The following TNC variants were observed in gnomAD, a reference collection of about 807,000 sequenced individuals.
The protein encoded by TNC is tenascin.
A neutral mutation model predicts 202.4 loss-of-function variants in TNC; 109 were observed. That is an observed-to-expected ratio of 0.54 (90% CI 0.46 to 0.63). The LOEUF is 0.63. Among genes scored for constraint, TNC ranks in the 30% least tolerant of loss-of-function variants. The probability of loss-of-function intolerance (pLI) is 0.00; values close to 1 mark genes in which losing one functional copy is unlikely to be tolerated. For missense variants in TNC, 2,756 were observed against 2,833.3 expected (o/e 0.97, Z 0.62); for synonymous variants, 1,007 against 1,089.7 (o/e 0.92, Z 1.50).
At position 115,026,518 on chromosome 9, in the gene TNC, G is replaced by A; in HGVS notation, c.6331+16C>T. On this transcript the variant is annotated intron_variant, in intron 26 of 27. Coordinates refer to ENST00000350763, the MANE Select transcript of TNC (RefSeq NM_002160.4). ...CTCCATGGCTTTGTAGGCTCTACGT[G>A]CAGCCACTACTGTACCTGCTGTCCC... The A allele has an allele frequency of 6.2e-7, 1 of 1,612,922 alleles. No individual in the cohort carries two copies. The highest frequency in any genetic ancestry group is 8.5e-7 in the Non-Finnish European group (1 of 1,179,108).
In TNC at chr9:115,076,233, G is replaced by A; in HGVS notation, c.2861-112C>T. ...GGAGGCTACAACAAATTTTCGGAAT[G>A]TTTTACAAAAGAACTCACTGCAATC... is the stretch of plus-strand genomic sequence containing the variant. On this transcript the variant is annotated intron_variant, in intron 8 of 27. Transcript: ENST00000350763. 2.8e-6 allele frequency: 4 copies of A among 1,427,822 alleles called. No individual in the cohort carries two copies. The South Asian group carries it at 3.5e-5, about 13-fold the overall frequency. 88.4% of individuals were successfully genotyped at this position (1,427,822 alleles called of 1,614,324 possible).
At chr9:115,091,260 C>A (rs1383551248) in intron 1 of TNC, 106 bp from the exon 2 acceptor site, 1 of 505,816 alleles carries the variant, frequency 2.0e-6, no homozygotes, top group African/African-American at 1.9e-5. Context: ...ATTTGAAGCT[C>A]TCCTGATAAT....
intron 9 of TNC, 139 bp downstream of exon 9, chr9:115,075,893 A>G: frequency 2.9e-6 from 2 of 693,346 alleles, no homozygotes; most frequent in South Asian, 1.7e-5. Context: ...GAATTTCAAC[A>G]TTGGGGCTAG....
At chr9:115,117,805 A>G (rs902199575) in intron 1 of TNC, among the ~76,000 whole-genome samples, 177 bp downstream of exon 1, 1 of 152,100 alleles carries the variant, frequency 6.6e-6, no homozygotes, top group Non-Finnish European at 1.5e-5. Flanking sequence ...AAATTACAAG[A>G]CCAGAAAAGT....
chr9:115,106,639 A>G (rs1272618563), intron 1 of TNC, among the ~76,000 whole-genome samples: 2 of 152,178 alleles, frequency 1.3e-5, no homozygotes, highest in Non-Finnish European at 2.9e-5. Flanking sequence ...TCTGACCTGA[A>G]GAGAAGGTTA....
intron 23 of TNC, 114 bp downstream of exon 23, chr9:115,031,439 G>A (rs1261710545): frequency 2.3e-5 from 28 of 1,209,054 alleles, no homozygotes; most frequent in Non-Finnish European, 3.0e-5. Flanking sequence ...GCAGTGAATC[G>A]ATTCTTTTCA....
chr9:115,068,220 T>C (rs1366002688), intron 10 of TNC, among the ~76,000 whole-genome samples: 1 of 152,190 alleles, frequency 6.6e-6, no homozygotes, highest in Non-Finnish European at 1.5e-5. Context: ...CATTTCTTTA[T>C]CAAAAGGCTG....
At chr9:115,102,301 T>A (rs546477004) in intron 1 of TNC, among the ~76,000 whole-genome samples, 1 of 152,308 alleles carries the variant, frequency 6.6e-6, no homozygotes, top group Admixed American at 6.5e-5. Flanking sequence ...TCCCAACACC[T>A]GGCTCAAAGC....
At chr9:115,048,141 A>C (rs750644918) in intron 16 of TNC, 119 bp downstream of exon 16, 3 of 1,270,834 alleles carry the variant, frequency 2.4e-6, no homozygotes, top group Admixed American at 2.2e-5. Flanking sequence ...ACAGTAGACT[A>C]CATTTATGGA....
At chr9:115,054,804 A>G (rs970235753) in intron 15 of TNC, among the ~76,000 whole-genome samples, 1 of 152,222 alleles carries the variant, frequency 6.6e-6, no homozygotes, top group Non-Finnish European at 1.5e-5. Context: ...TATTCACCAC[A>G]TGCACCAAGA....
In TNC at chr9:115,063,124, A is replaced by G; in HGVS notation, c.3826T>C (p.Trp1276Arg). Residue 1276 changes from tryptophan to arginine, a missense_variant, in exon 13 of 28, where the codon TGG becomes CGG. Trp to Arg is a moderately radical substitution (Grantham distance 101, BLOSUM62 -3). Transcript: ENST00000350763. ...TCATAGGTTCCATCTGGCGTGGTCC[A>G]GTTCAGTCTGAGAGCATCCCAGCTA... is the stretch of plus-strand genomic sequence containing the variant. ...EVSWDALRLNWTTPDGTYDQF... is the reference protein window; with the variant it reads ...EVSWDALRLNRTTPDGTYDQF... The G allele has an allele frequency of 6.2e-7, 1 of 1,614,204 alleles. No individual in the cohort carries two copies. Among genetic ancestry groups the G allele is most frequent in the African/African-American group, 1.3e-5 (1 of 75,042 alleles).
In TNC at chr9:115,079,210, T is replaced by A. The variant is rs534603658; in HGVS notation, c.2405-998A>T. Among the ~76,000 whole-genome samples the A allele has an allele frequency of 2.6e-5, 4 of 152,228 alleles. No homozygotes were observed. In the East Asian group the frequency reaches 7.7e-4, roughly 29 times the overall value. ...GGTATTCAGTGAATCTTTGAATCTT[T>A]CTTTCTTCTTCTTCTCCTTTTTTTT... On this transcript the variant is annotated intron_variant, in intron 6 of 27. Coordinates refer to ENST00000350763, the MANE Select transcript of TNC (RefSeq NM_002160.4).
At chr9:115,082,881 T>A in intron 4 of TNC, 74 bp from the exon 5 acceptor site, 1 of 985,138 alleles carries the variant, frequency 1.0e-6, no homozygotes, top group Non-Finnish European at 1.6e-6. Context: ...ACGATTCCAC[T>A]AAACCAGACT....
At chr9:115,031,139 T>C (rs1018598252) in intron 23 of TNC, among the ~76,000 whole-genome samples, 2 of 152,208 alleles carry the variant, frequency 1.3e-5, no homozygotes, top group Non-Finnish European at 2.9e-5. Context: ...TTTCAGCTCA[T>C]GTTGAACTCT....
chr9:115,047,540 G>A (rs1831299501), intron 16 of TNC, among the ~76,000 whole-genome samples: 1 of 152,146 alleles, frequency 6.6e-6, no homozygotes, highest in African/African-American at 2.4e-5. Flanking sequence ...ACGTTAGGGT[G>A]TTCTGAAAAG....
At chr9:115,058,947 T>A (rs1832336724) in intron 14 of TNC, among the ~76,000 whole-genome samples, 2 of 152,108 alleles carry the variant, frequency 1.3e-5, no homozygotes, top group South Asian at 4.1e-4. Flanking sequence ...GGCTGGGAGT[T>A]TGCCATCCAA....
intron 27 of TNC, among the ~76,000 whole-genome samples, chr9:115,021,692 T>G (rs1032233380): frequency 1.3e-5 from 2 of 152,178 alleles, no homozygotes; most frequent in Non-Finnish European, 2.9e-5. Flanking sequence ...TGGAGTATTT[T>G]GATAGGGGTT....
In TNC at chr9:115,063,964, G is replaced by T; in HGVS notation, c.3592C>A (p.Gln1198Lys). The T allele has an allele frequency of 6.2e-7, 1 of 1,614,134 alleles. No individual in the cohort carries two copies. Among genetic ancestry groups the T allele is most frequent in the South Asian group, 1.1e-5 (1 of 91,074 alleles). Reference sequence around the variant, plus strand: ...TCTACTGTGTCAGCCTCCTGCACCTGAATGAAAAAGTACTCATAGGCCCCT... The same window carrying T: ...TCTACTGTGTCAGCCTCCTGCACCTTAATGAAAAAGTACTCATAGGCCCCT... The part of the protein sequence containing the change: ...PEGAYEYFFI[Q>K]VQEADTVEAA... The change falls in exon 12 of 28, where the codon CAG becomes AAG. Residue 1198 changes from glutamine to lysine, a missense_variant. Coordinates refer to ENST00000350763, the MANE Select transcript of TNC (RefSeq NM_002160.4).
Position 115,020,713 on chromosome 9 carries a change from T to C in TNC, c.*444A>G. 3.2e-6 allele frequency: 1 copy of C among 314,416 alleles called. No homozygotes were observed. Among genetic ancestry groups the C allele is most frequent in the Non-Finnish European group, 6.3e-6 (1 of 158,456 alleles). The allele number at this position is 314,416 out of a possible 1,614,324, so 19.5% of individuals were successfully genotyped here. A position where few individuals can be genotyped will look rare whatever the true frequency, so the allele number is the denominator to read the frequency against. On this transcript the variant is annotated 3_prime_UTR_variant, in exon 28 of 28. Transcript: ENST00000350763. ...ACAGTATTGCTTTTCTGGTTTCTGT[T>C]GTATGAAATGTAAAAAAAGGGATGG... is the stretch of plus-strand genomic sequence containing the variant.
Sources: gnomAD v4.1 joint callset for allele counts (sites outside exome capture counted in the v4.1 genomes callset) on GRCh38, gnomAD v4.1.1 for gene constraint, MANE v1.5 for transcripts, NCBI Gene and HGNC (gene_info 2026-07-23, HGNC 2026-07-21) for gene names.